The following CCDC178 variants were observed in gnomAD, a reference collection of about 807,000 sequenced individuals.
The protein encoded by CCDC178 is coiled-coil domain-containing protein 178.
A neutral mutation model predicts 117.4 loss-of-function variants in CCDC178; 126 were observed. The observed-to-expected ratio is 1.07, with a 90% confidence interval of 0.93 to 1.24. The LOEUF (loss-of-function observed/expected upper bound fraction) is 1.24. Among genes scored for constraint, CCDC178 ranks in the 50% most tolerant of loss-of-function variants. The probability of loss-of-function intolerance (pLI) is 0.00; values close to 1 mark genes in which losing one functional copy is unlikely to be tolerated. For missense variants in CCDC178, 1,030 were observed against 986.9 expected (o/e 1.04, Z -0.59); for synonymous variants, 283 against 313.4 (o/e 0.90, Z 1.02).
intron 21 of CCDC178, among the ~76,000 whole-genome samples, chr18:33,015,219 G>C (rs1415231794): frequency 6.7e-6 from 1 of 149,130 alleles, no homozygotes; most frequent in East Asian, 2.0e-4. Context: ...TCATGCCACT[G>C]CACTCCAGCC....
intron 20 of CCDC178, among the ~76,000 whole-genome samples, chr18:33,157,403 G>A (rs935324731): frequency 6.6e-6 from 1 of 152,066 alleles, no homozygotes; most frequent in African/African-American, 2.4e-5. Context: ...TAGGTTCTAT[G>A]CTTTCTGTAA....
chr18:33,188,176 C>T (rs1429179157), intron 20 of CCDC178, among the ~76,000 whole-genome samples: 8 of 151,936 alleles, frequency 5.3e-5, no homozygotes, highest in Non-Finnish European at 7.4e-5. Flanking sequence ...AGTCATGGTG[C>T]CAATTAGGTA....
At chr18:33,084,701 A>G (rs424403) in intron 21 of CCDC178, among the ~76,000 whole-genome samples, 14,137 of 151,622 alleles carry the variant, frequency 0.093, 932 homozygotes, top group African/African-American at 0.19. Flanking sequence ...AATCCCAGCT[A>G]CTCAGGAGGC....
intron 20 of CCDC178, among the ~76,000 whole-genome samples, chr18:33,123,080 T>C (rs2057959291): frequency 2.0e-5 from 3 of 152,202 alleles, no homozygotes; most frequent in Admixed American, 2.0e-4. Flanking sequence ...GTTTAAGCAC[T>C]ATCTTGAATA....
intron 5 of CCDC178, among the ~76,000 whole-genome samples, chr18:33,370,435 C>T (rs1262279933): frequency 2.0e-5 from 3 of 151,612 alleles, no homozygotes; most frequent in African/African-American, 7.3e-5. Flanking sequence ...CAAAATAAAA[C>T]TTCAAGCAAA....
At chr18:33,427,012 C>T (rs867365114) in intron 2 of CCDC178, among the ~76,000 whole-genome samples, 11 of 151,982 alleles carry the variant, frequency 7.2e-5, no homozygotes, top group South Asian at 2.1e-4. Flanking sequence ...GAGCATAATC[C>T]TGCCTTAAAC....
chr18:33,084,674 G>T (rs422929), intron 21 of CCDC178, among the ~76,000 whole-genome samples: 21,370 of 151,434 alleles, frequency 0.14, 2,306 homozygotes, highest in African/African-American at 0.31. Flanking sequence ...TAGCTGGGCG[G>T]GGTGGTGTGC....
intron 21 of CCDC178, among the ~76,000 whole-genome samples, chr18:33,032,467 T>C (rs1451124604): frequency 2.6e-5 from 4 of 152,122 alleles, no homozygotes; most frequent in African/African-American, 7.2e-5. Context: ...AGGAGGCGAA[T>C]CTTAGAGCTA....
At chr18:33,000,550 C>T (rs921124932) in intron 21 of CCDC178, among the ~76,000 whole-genome samples, 1 of 152,028 alleles carries the variant, frequency 6.6e-6, no homozygotes, top group African/African-American at 2.4e-5. Context: ...AATAATCAAA[C>T]TTGAAGGCTA....
intron 22 of CCDC178, among the ~76,000 whole-genome samples, chr18:32,946,495 A>G (rs2144607135): frequency 1.3e-5 from 2 of 152,284 alleles, no homozygotes; most frequent in East Asian, 3.9e-4. Flanking sequence ...ACAATGAATG[A>G]TCACTTTGTT....
intron 20 of CCDC178, among the ~76,000 whole-genome samples, chr18:33,127,088 T>C (rs2144239124): frequency 6.6e-6 from 1 of 151,696 alleles, no homozygotes; most frequent in Middle Eastern, 3.4e-3. Flanking sequence ...TTATATTTAA[T>C]ATGTGTATAT....
At chr18:33,139,516 T>TAAC (rs927283912) in intron 20 of CCDC178, among the ~76,000 whole-genome samples, 1 of 152,172 alleles carries the variant, frequency 6.6e-6, no homozygotes, top group African/African-American at 2.4e-5. Flanking sequence ...AGGAACTTGT[T>TAAC]GGGAACTGGA....
intron 14 of CCDC178, among the ~76,000 whole-genome samples, chr18:33,260,673 T>G (rs568066114): frequency 6.6e-6 from 1 of 152,220 alleles, no homozygotes; most frequent in African/African-American, 2.4e-5. Flanking sequence ...TCATATTTAT[T>G]GATATTTTTC....
At chr18:33,047,053 T>G (rs887575554) in intron 21 of CCDC178, among the ~76,000 whole-genome samples, 1 of 152,132 alleles carries the variant, frequency 6.6e-6, no homozygotes, top group African/African-American at 2.4e-5. Flanking sequence ...TTTTGGCAAT[T>G]GCAAGAAATA....
chr18:33,372,082 T>G (rs560951866), intron 5 of CCDC178, among the ~76,000 whole-genome samples: 1 of 152,194 alleles, frequency 6.6e-6, no homozygotes, highest in African/African-American at 2.4e-5. Flanking sequence ...TACTAATAAT[T>G]TCCATAGCAC....
At chr18:33,360,294 T>A (rs2063108203) in intron 6 of CCDC178, among the ~76,000 whole-genome samples, 1 of 150,642 alleles carries the variant, frequency 6.6e-6, no homozygotes, top group African/African-American at 2.4e-5. Flanking sequence ...ATATAATATA[T>A]ACTACATGCA....
chr18:33,429,772 A>G lies in CCDC178; in HGVS notation c.-23+10190T>C, dbSNP rs201274013. 1.1e-4 allele frequency among the ~76,000 whole-genome samples: 17 copies of G among 152,318 alleles called. No homozygotes were observed. In the East Asian group the frequency reaches 1.9e-3, roughly 17 times the overall value. ...TGTAAATCACTTATCTTCAATGGTCATTACAGCTAGAGAATAGAGAGTATT... is the reference window on the plus strand; with the variant it reads ...TGTAAATCACTTATCTTCAATGGTCGTTACAGCTAGAGAATAGAGAGTATT... On this transcript the variant is annotated intron_variant, in intron 2 of 22. Transcript: ENST00000383096.
chr18:33,283,831 G>A (rs75812679), intron 12 of CCDC178, among the ~76,000 whole-genome samples: 9 of 152,226 alleles, frequency 5.9e-5, no homozygotes, highest in Non-Finnish European at 8.8e-5. Flanking sequence ...GTTCATCGTT[G>A]TGGATTACAG....
intron 22 of CCDC178, among the ~76,000 whole-genome samples, chr18:32,949,209 C>G (rs367784142): frequency 6.6e-6 from 1 of 152,006 alleles, no homozygotes; most frequent in Non-Finnish European, 1.5e-5. Flanking sequence ...AATTTCATTA[C>G]GATATGCCTT....
Sources: gnomAD v4.1 joint callset for allele counts (sites outside exome capture counted in the v4.1 genomes callset) on GRCh38, gnomAD v4.1.1 for gene constraint, MANE v1.5 for transcripts, NCBI Gene and HGNC (gene_info 2026-07-23, HGNC 2026-07-21) for gene names.